The following YWHAE variants were observed in gnomAD, a reference collection of about 807,000 sequenced individuals.
YWHAE encodes the protein 14-3-3 protein epsilon.
A neutral mutation model predicts 30.1 loss-of-function variants in YWHAE; 4 were observed. The ratio of observed to expected loss-of-function variants is 0.13; its 90% CI spans 0.07 to 0.30. The LOEUF is 0.30. YWHAE is among the 10% of genes least tolerant of loss of function. The probability of loss-of-function intolerance (pLI) is 1.00; values close to 1 mark genes in which losing one functional copy is unlikely to be tolerated. For synonymous variants in YWHAE, 118 were observed against 111.8 expected (o/e 1.06, Z -0.35); for missense variants, 121 against 315.9 (o/e 0.38, Z 4.68).
chr17:1,370,220 A>G (rs112275935), intron 1 of YWHAE, among the ~76,000 whole-genome samples: 2,504 of 130,342 alleles, frequency 0.019, 69 homozygotes, highest in African/African-American at 0.067. Flanking sequence ...TCCGCCTCCC[A>G]GGTTCACGCC....
chr17:1,369,032 T>C (rs1935461018), intron 1 of YWHAE, among the ~76,000 whole-genome samples: 1 of 152,218 alleles, frequency 6.6e-6, no homozygotes, highest in South Asian at 2.1e-4. Context: ...AAGAGAAATA[T>C]ATTTGTAACA....
chr17:1,399,161 A>C (rs1481475143), intron 1 of YWHAE: 2 of 152,112 alleles, frequency 1.3e-5, no homozygotes, highest in East Asian at 3.9e-4. Context: ...GGCTCTACAA[A>C]GGCTCGAACT....
rs1370599876 is a variant in YWHAE, at chr17:1,355,167, TTTTTTG to T, written c.579-826_579-821del. On this transcript the variant is annotated intron_variant, in intron 4 of 5. Coordinates refer to ENST00000264335, the MANE Select transcript of YWHAE (RefSeq NM_006761.5). The stretch of plus-strand genomic sequence containing the variant: ...AAAAAAATTTTTTTTTTTTTTTTTT[TTTTTTG>T]GGGGACGGGGTCTCGCTCTATCACC... Among the ~76,000 whole-genome samples the T allele has an allele frequency of 2.1e-4, 8 of 38,044 alleles. 1 individual carries two copies. The highest frequency in any genetic ancestry group is 2.6e-4 in the Non-Finnish European group (5 of 19,564). The allele number at this position is 38,044 out of a possible 152,430, so 25.0% of individuals were successfully genotyped here.
chr17:1,377,198 G>A (rs1215875483), intron 1 of YWHAE, among the ~76,000 whole-genome samples: 2 of 152,096 alleles, frequency 1.3e-5, no homozygotes, highest in Non-Finnish European at 2.9e-5. Flanking sequence ...ACAGGCAGGG[G>A]TTACCACACC....
At chr17:1,373,646 T>C (rs1354313767) in intron 1 of YWHAE, among the ~76,000 whole-genome samples, 1 of 150,110 alleles carries the variant, frequency 6.7e-6, no homozygotes, top group Non-Finnish European at 1.5e-5. Context: ...CCAGCCTGGG[T>C]GACAGAGTGA....
intron 3 of YWHAE, 153 bp downstream of exon 3, chr17:1,361,749 T>C (rs1453633770): frequency 2.2e-5 from 12 of 557,006 alleles, no homozygotes; most frequent in African/African-American, 7.7e-5. Context: ...ATTTTCATAA[T>C]AGCCCAACCA....
At chr17:1,349,269 G>C (rs1266464151) in intron 5 of YWHAE, among the ~76,000 whole-genome samples, 2 of 152,128 alleles carry the variant, frequency 1.3e-5, no homozygotes, top group African/African-American at 4.8e-5. Flanking sequence ...TTGAACCCGG[G>C]AGGTGGAAGC....
intron 1 of YWHAE, among the ~76,000 whole-genome samples, chr17:1,380,715 T>A (rs1486241601): frequency 1.3e-5 from 2 of 152,188 alleles, no homozygotes; most frequent in Non-Finnish European, 2.9e-5. Flanking sequence ...CTAAGTCTAA[T>A]AAAGCCTTTT....
At chr17:1,378,267 G>A (rs1433260417) in intron 1 of YWHAE, among the ~76,000 whole-genome samples, 5 of 152,350 alleles carry the variant, frequency 3.3e-5, no homozygotes, top group African/African-American at 1.2e-4. Flanking sequence ...CATTTCTGCA[G>A]AAGGCTGACA....
intron 5 of YWHAE, among the ~76,000 whole-genome samples, chr17:1,348,950 C>T (rs1472919020): frequency 3.3e-5 from 5 of 151,666 alleles, no homozygotes; most frequent in Admixed American, 1.3e-4. Context: ...GGCGTGAACC[C>T]GGGAGGCGGA....
In YWHAE at chr17:1,373,149, A is replaced by T. The variant is rs574083653; in HGVS notation, c.65-8091T>A. On this transcript the variant is annotated intron_variant, in intron 1 of 5. Coordinates refer to ENST00000264335, the MANE Select transcript of YWHAE (RefSeq NM_006761.5). ...TCCCAGCTACTCGGGACGCTGAGGC[A>T]GGAGAATCGCTTGAACTCAGGAGGC... is the stretch of plus-strand genomic sequence containing the variant. Among the ~76,000 whole-genome samples, 19 of 152,104 alleles carry T rather than the reference A, an allele frequency of 1.2e-4. No individual in the cohort carries two copies. The East Asian group carries it at 3.7e-3, about 30-fold the overall frequency.
rs1032457030 is a variant in YWHAE, at chr17:1,354,445, T to C, written c.579-98A>G. 4.9e-6 allele frequency: 6 copies of C among 1,224,344 alleles called. No individual in the cohort carries two copies. In the African/African-American group the frequency reaches 7.6e-5, roughly 16 times the overall value. The allele number at this position is 1,224,344 out of a possible 1,614,324, so 75.8% of individuals were successfully genotyped here. ...CAATCTTTTCTTCAGTTATTCCAGTTTGTAATAGTCACAATGATAATGCAA... is the reference window on the plus strand; with the variant it reads ...CAATCTTTTCTTCAGTTATTCCAGTCTGTAATAGTCACAATGATAATGCAA... On this transcript the variant is annotated intron_variant, in intron 4 of 5. Transcript: ENST00000264335.
intron 4 of YWHAE, among the ~76,000 whole-genome samples, chr17:1,359,393 G>C (rs2072816193): frequency 6.6e-6 from 1 of 151,848 alleles, no homozygotes; most frequent in Non-Finnish European, 1.5e-5. Flanking sequence ...AATACTTAGT[G>C]CACCCATTTT....
intron 1 of YWHAE, among the ~76,000 whole-genome samples, chr17:1,392,675 C>T (rs1360182574): frequency 6.6e-6 from 1 of 151,826 alleles, no homozygotes; most frequent in Non-Finnish European, 1.5e-5. Flanking sequence ...TATGGTGAAA[C>T]TCTGTCTCTA....
At chr17:1,385,559 TATGGGTGC>T (rs943649260) in intron 1 of YWHAE, among the ~76,000 whole-genome samples, 1 of 151,958 alleles carries the variant, frequency 6.6e-6, no homozygotes, top group Non-Finnish European at 1.5e-5. Context: ...CACAGACCAG[TATGGGTGC>T]ATGGCCTGGG....
At chr17:1,350,943 C>A (rs1303300285) in intron 5 of YWHAE, among the ~76,000 whole-genome samples, 1 of 150,904 alleles carries the variant, frequency 6.6e-6, no homozygotes, top group Admixed American at 6.6e-5. Flanking sequence ...CCTGTAATCC[C>A]AGCTACTCAG....
intron 1 of YWHAE, among the ~76,000 whole-genome samples, chr17:1,387,937 T>TTC (rs2073325062): frequency 7.1e-6 from 1 of 139,960 alleles, no homozygotes; most frequent in South Asian, 2.4e-4. Flanking sequence ...TTTTTTTTTT[T>TTC]TTTTTTTTGA....
chr17:1,350,222 G>C (rs547020532), intron 5 of YWHAE, among the ~76,000 whole-genome samples: 1 of 151,892 alleles, frequency 6.6e-6, no homozygotes, highest in African/African-American at 2.4e-5. Context: ...AAAGTGCTGG[G>C]ATTATAGGCG....
At chr17:1,345,860 T>C (rs2072508668) in intron 5 of YWHAE, among the ~76,000 whole-genome samples, 1 of 152,172 alleles carries the variant, frequency 6.6e-6, no homozygotes. Context: ...CCTCACCTCT[T>C]CAAGAATCAA....
Sources: allele counts gnomAD v4.1 joint callset (sites outside exome capture counted in the v4.1 genomes callset), GRCh38; gene constraint gnomAD v4.1.1; transcripts MANE v1.5; gene names NCBI Gene and HGNC (gene_info 2026-07-23, HGNC 2026-07-21).